RAD54L2: variants seen among roughly 807,000 people sequenced by gnomAD.
The protein encoded by RAD54L2 is RAD54 like 2, also known as helicase ARIP4.
RAD54L2 carries 27 observed loss-of-function variants against 138.4 expected under a neutral mutation model. That is an observed-to-expected ratio of 0.20 (90% confidence interval 0.14 to 0.27). RAD54L2 has a LOEUF of 0.27. RAD54L2 is among the 10% of genes least tolerant of loss of function. RAD54L2 has a pLI of 1.00. For missense variants in RAD54L2, 1,396 were observed against 1,890.2 expected, an observed-to-expected ratio of 0.74 and a Z score of 4.85; for synonymous variants, 644 against 723.2, an observed-to-expected ratio of 0.89 and a Z score of 1.76.
rs1361865949 is a variant in RAD54L2, at chr3:51,630,530, T to A, written c.598+142T>A. On this transcript the variant is annotated intron_variant, in intron 6 of 22. Coordinates refer to ENST00000684192, the MANE Select transcript of RAD54L2 (RefSeq NM_015106.4). Reference sequence around the variant, plus strand: ...TTTCCCTGTGTCTCCTTGGTAAATATAAGTTTTTTGCTTGTCTTAACTTGA... The same window carrying A: ...TTTCCCTGTGTCTCCTTGGTAAATAAAAGTTTTTTGCTTGTCTTAACTTGA... 7.0e-6 allele frequency: 7 copies of A among 993,484 alleles called. No homozygotes were observed. In the Admixed American group the frequency reaches 1.4e-4, roughly 20 times the overall value. The allele number at this position is 993,484 out of a possible 1,614,324, so 61.5% of individuals were successfully genotyped here.
intron 2 of RAD54L2, among the ~76,000 whole-genome samples, chr3:51,557,946 A>G (rs895224216): frequency 7.2e-5 from 11 of 151,954 alleles, no homozygotes; most frequent in Non-Finnish European, 1.2e-4. Flanking sequence ...CCAAGGCTCA[A>G]GTGATCCTCT....
At chr3:51,581,992 T>C (rs905971524) in intron 2 of RAD54L2, among the ~76,000 whole-genome samples, 1 of 151,742 alleles carries the variant, frequency 6.6e-6, no homozygotes, top group African/African-American at 2.4e-5. Context: ...GGTATGATCA[T>C]GACCCACTGG....
intron 19 of RAD54L2, among the ~76,000 whole-genome samples, chr3:51,651,777 G>A (rs1701444822): frequency 6.6e-6 from 1 of 152,234 alleles, no homozygotes; most frequent in South Asian, 2.1e-4. Flanking sequence ...GGTATTGATG[G>A]AACGTATCTC....
chr3:51,662,488 G>A lies in RAD54L2; in HGVS notation c.3472G>A (p.Ala1158Thr), dbSNP rs1701804643. The change falls in exon 23 of 23, where the codon GCC becomes ACC. Residue 1158 changes from alanine to threonine, a missense_variant. Around this residue, in one of 7 missense-constraint regions of RAD54L2, gnomAD observed 634 missense variants for 711.2 expected, o/e 0.89. Transcript: ENST00000684192. This position sits in a 1 kb window ranked among gnomAD's most constrained non-coding sequence, Gnocchi z 4.6. ...NGRHSASSPK[A>T]PDPEGLARPV... ...CAGACACAGTGCCTCATCACCCAAA[G>A]CCCCCGACCCTGAGGGGCTGGCCAG... 1 of 1,599,578 alleles carries A rather than the reference G, an allele frequency of 6.3e-7. No homozygotes were observed. Among genetic ancestry groups the A allele is most frequent in the East Asian group, 2.2e-5 (1 of 44,656 alleles).
At chr3:51,595,112 C>T (rs925036838) in intron 3 of RAD54L2, among the ~76,000 whole-genome samples, 5 of 151,902 alleles carry the variant, frequency 3.3e-5, no homozygotes, top group Admixed American at 6.6e-5. Context: ...TTAATCCACA[C>T]GCCTCAGCCT....
At chr3:51,580,349 G>A (rs1327553136) in intron 2 of RAD54L2, among the ~76,000 whole-genome samples, 2 of 152,154 alleles carry the variant, frequency 1.3e-5, no homozygotes, top group Non-Finnish European at 2.9e-5. Context: ...GCCCTATCCT[G>A]GAGTGTCACC....
At chr3:51,551,834 C>T (rs1698846321) in intron 2 of RAD54L2, among the ~76,000 whole-genome samples, 1 of 150,966 alleles carries the variant, frequency 6.6e-6, no homozygotes, top group Non-Finnish European at 1.5e-5. Flanking sequence ...CTCACTGCAA[C>T]CTCCATCTCC....
chr3:51,581,586 G>A (rs891855996), intron 2 of RAD54L2, among the ~76,000 whole-genome samples: 1 of 152,126 alleles, frequency 6.6e-6, no homozygotes, highest in African/African-American at 2.4e-5. Context: ...TCCTCTGTGC[G>A]CAGCTTGTAT....
intron 2 of RAD54L2, among the ~76,000 whole-genome samples, chr3:51,546,662 C>T (rs1047092583): frequency 1.3e-5 from 2 of 151,888 alleles, no homozygotes; most frequent in Admixed American, 1.3e-4. Flanking sequence ...ACAAAAAACA[C>T]TGAGGCACTT....
rs1236930636 is a variant in RAD54L2, at chr3:51,666,498, G to A, written c.*3078G>A. The A allele has an allele frequency of 6.6e-6, 1 of 152,068 alleles. No individual in the cohort carries two copies. Among genetic ancestry groups the A allele is most frequent in the Non-Finnish European group, 1.5e-5 (1 of 68,028 alleles). The allele number at this position is 152,068 out of a possible 1,614,324, so 9.4% of individuals were successfully genotyped here. On this transcript the variant is annotated 3_prime_UTR_variant, in exon 23 of 23. Transcript: ENST00000684192. ...TGTCTTCCATGGAATGTTTTCAAGG[G>A]CCTCTCAAGCCCCATTCATCTGGTT...
At chr3:51,606,514 C>T (rs1036160691) in intron 3 of RAD54L2, among the ~76,000 whole-genome samples, 3 of 152,166 alleles carry the variant, frequency 2.0e-5, no homozygotes, top group Non-Finnish European at 4.4e-5. Flanking sequence ...TCTAAAAATG[C>T]TCTTCTAGCT....
At chr3:51,563,149 T>C (rs1356599754) in intron 2 of RAD54L2, among the ~76,000 whole-genome samples, 1 of 152,150 alleles carries the variant, frequency 6.6e-6, no homozygotes, top group African/African-American at 2.4e-5. Context: ...AACAGAATTT[T>C]TGGAGATGTG....
At chr3:51,656,222 T>G (rs1701596878) in intron 20 of RAD54L2, 52 bp downstream of exon 20, 2 of 1,472,662 alleles carry the variant, frequency 1.4e-6, no homozygotes, top group South Asian at 2.7e-5. Flanking sequence ...TAAAATTACT[T>G]TGTTCATTTA....
chr3:51,595,936 CTTTTT>C (rs200140512), intron 3 of RAD54L2, among the ~76,000 whole-genome samples: 1 of 128,302 alleles, frequency 7.8e-6, no homozygotes, highest in African/African-American at 2.8e-5. Flanking sequence ...ATTCAGTCTT[CTTTTT>C]TTTTTTTTTG....
At chr3:51,557,027 C>G (rs1698985701) in intron 2 of RAD54L2, among the ~76,000 whole-genome samples, 1 of 152,094 alleles carries the variant, frequency 6.6e-6, no homozygotes, top group African/African-American at 2.4e-5. Context: ...TCCCATCATC[C>G]TTGCTGGGAG....
chr3:51,647,978 G>A (rs924336121), intron 19 of RAD54L2, among the ~76,000 whole-genome samples: 5 of 152,176 alleles, frequency 3.3e-5, no homozygotes, highest in East Asian at 3.9e-4. Context: ...AGGGCGAGCC[G>A]AAGCAGGGTG....
At chr3:51,618,712 T>TG (rs1041328328) in intron 3 of RAD54L2, among the ~76,000 whole-genome samples, 5 of 152,096 alleles carry the variant, frequency 3.3e-5, no homozygotes, top group South Asian at 2.1e-4. Flanking sequence ...TGTAATGACT[T>TG]GGGGGGGTTC....
At chr3:51,560,266 G>T (rs1413599270) in intron 2 of RAD54L2, among the ~76,000 whole-genome samples, 1 of 152,044 alleles carries the variant, frequency 6.6e-6, no homozygotes, top group Non-Finnish European at 1.5e-5. Context: ...ACCTGGAAAA[G>T]AAACCTCATG....
intron 3 of RAD54L2, among the ~76,000 whole-genome samples, chr3:51,605,518 T>A (rs1700162726): frequency 6.9e-6 from 1 of 144,132 alleles, no homozygotes. Flanking sequence ...AGTGGCGTGA[T>A]CTTGGCTCAG....
Sources: allele counts gnomAD v4.1 joint callset (sites outside exome capture counted in the v4.1 genomes callset), GRCh38; gene constraint gnomAD v4.1.1; regional missense constraint gnomAD v4.1.1; non-coding constraint Gnocchi (gnomAD v3.1); transcripts MANE v1.5; gene names NCBI Gene and HGNC (gene_info 2026-07-23, HGNC 2026-07-21).